The following ABCF1 variants were observed in gnomAD, a reference collection of about 807,000 sequenced individuals.
The protein encoded by ABCF1 is ATP binding cassette subfamily F member 1.
ABCF1 carries 73 observed loss-of-function variants against 126.3 expected under a neutral mutation model. The ratio of observed to expected loss-of-function variants is 0.58; its 90% CI spans 0.48 to 0.70. The LOEUF is 0.70. Among genes scored for constraint, ABCF1 ranks in the 30% least tolerant of loss-of-function variants. The pLI is 0.00. For synonymous variants in ABCF1, 345 were observed against 396.4 expected (o/e 0.87, Z 1.54); for missense variants, 786 against 1,057.5 (o/e 0.74, Z 3.56).
chr6:30,571,568 T>C lies in ABCF1; in HGVS notation c.73+8T>C. The C allele has an allele frequency of 1.2e-6, 2 of 1,608,420 alleles. No individual in the cohort carries two copies. The highest frequency in any genetic ancestry group is 1.7e-6 in the Non-Finnish European group (2 of 1,178,830). ...AGAGCACGAGCCCATCAGGTGAGGC[T>C]GGTAGGCAAGGAAGAAACGAGCAGA... On this transcript the variant is annotated splice_region_variant and intron_variant, in intron 1 of 24. Coordinates refer to ENST00000326195, the MANE Select transcript of ABCF1 (RefSeq NM_001025091.2).
At chr6:30,575,831 A>T (rs998164031) in intron 1 of ABCF1, among the ~76,000 whole-genome samples, 37 of 152,110 alleles carry the variant, frequency 2.4e-4, no homozygotes, top group African/African-American at 7.7e-4. Context: ...ACAGTTTGGG[A>T]AGCTGAGGCA....
At chr6:30,587,410 C>T (rs776464250) in intron 20 of ABCF1, among the ~76,000 whole-genome samples, 2 of 152,004 alleles carry the variant, frequency 1.3e-5, no homozygotes, top group African/African-American at 2.4e-5. Flanking sequence ...TTTGGGAAGC[C>T]GAGGTGGGAG....
chr6:30,581,042 A>T (rs1801790650), intron 8 of ABCF1, among the ~76,000 whole-genome samples: 1 of 151,580 alleles, frequency 6.6e-6, no homozygotes, highest in African/African-American at 2.4e-5. Context: ...TACAATCTCT[A>T]TCACATATTC....
At chr6:30,581,434 C>T (rs933887529) in intron 8 of ABCF1, among the ~76,000 whole-genome samples, 4 of 122,252 alleles carry the variant, frequency 3.3e-5, no homozygotes, top group Non-Finnish European at 6.4e-5. Flanking sequence ...GATGGAGTCT[C>T]ACTCCGTTGC....
In ABCF1 at chr6:30,586,307, T is replaced by G; in HGVS notation, c.1885+2T>G. 1.2e-6 allele frequency: 2 copies of G among 1,604,884 alleles called. No individual in the cohort carries two copies. Among genetic ancestry groups the G allele is most frequent in the Non-Finnish European group, 1.7e-6 (2 of 1,175,262 alleles). On this transcript the variant is annotated splice_donor_variant, in intron 18 of 24. Coordinates refer to ENST00000326195, the MANE Select transcript of ABCF1 (RefSeq NM_001025091.2). LOFTEE classifies it high-confidence loss of function. This position sits in a 1 kb window ranked among gnomAD's most constrained non-coding sequence, Gnocchi z 4.9. Reference sequence around the variant, plus strand: ...GCCCTCCAGTGCTGGGTCTGCATGGTGAGTGCCGCGGGCCTCTGCTGCTCC... The same window carrying G: ...GCCCTCCAGTGCTGGGTCTGCATGGGGAGTGCCGCGGGCCTCTGCTGCTCC...
At chr6:30,573,017 A>G (rs1801331220) in intron 1 of ABCF1, among the ~76,000 whole-genome samples, 1 of 152,184 alleles carries the variant, frequency 6.6e-6, no homozygotes, top group Admixed American at 6.5e-5. Context: ...ATTAAGAAGG[A>G]AGGCCCATTG....
rs765951688 is a variant in ABCF1 at position 30,579,996 on chromosome 6, G to T, written c.555G>T (p.Gly185=). 2.7e-5 allele frequency: 43 copies of T among 1,612,526 alleles called. 1 individual carries two copies. The Admixed American group carries it at 7.2e-4, about 27-fold the overall frequency. Residue 185 remains glycine (G), a synonymous_variant, in exon 7 of 25, where the codon GGG becomes GGT. Coordinates refer to ENST00000326195, the MANE Select transcript of ABCF1 (RefSeq NM_001025091.2). ...AGGGAAAGGAAGAGAAGTCAAAAGG[G>T]AAGGCTAAGGTGAGAGAGTAACTAG... The part of the protein sequence containing the change: ...GKKGKEEKSK[G]KAKPQNKFAA...
intron 1 of ABCF1, among the ~76,000 whole-genome samples, chr6:30,572,906 C>T (rs1371176599): frequency 6.6e-6 from 1 of 152,194 alleles, no homozygotes; most frequent in East Asian, 1.9e-4. Flanking sequence ...TGACTGGTCC[C>T]ACTAGAGCCT....
intron 6 of ABCF1, among the ~76,000 whole-genome samples, chr6:30,579,537 A>C (rs185258282): frequency 6.9e-6 from 1 of 144,180 alleles, no homozygotes; most frequent in Non-Finnish European, 1.5e-5. Context: ...GGCTCACTGC[A>C]ACCTCCGCCT....
Position 30,586,794 on chromosome 6 carries a change from C to G in ABCF1, c.2031+83C>G. 1.4e-6 allele frequency: 2 copies of G among 1,448,620 alleles called. No individual in the cohort carries two copies. The highest frequency in any genetic ancestry group is 1.8e-5 in the Admixed American group (1 of 54,710). The allele number at this position is 1,448,620 out of a possible 1,614,324, so 89.7% of individuals were successfully genotyped here. A position where few individuals can be genotyped will look rare whatever the true frequency, so the allele number is the denominator to read the frequency against. ...GCCAGAAGCTGGAATCAGGGAGCCT[C>G]TCGAGAATGTAGAGTTAAATACAGA... On this transcript the variant is annotated intron_variant, in intron 20 of 24. Transcript: ENST00000326195. The surrounding 1 kb of genome is among the most constrained non-coding windows in gnomAD (Gnocchi z 4.9).
Position 30,589,986 on chromosome 6 carries a change from G to C in ABCF1, c.2233+12G>C. The stretch of plus-strand genomic sequence containing the variant: ...CTGCAAACTCTCTGGTACCACTTCA[G>C]GGGCCAGGGAGGGTGCCCTTCACCT... On this transcript the variant is annotated intron_variant, in intron 22 of 24. Coordinates refer to ENST00000326195, the MANE Select transcript of ABCF1 (RefSeq NM_001025091.2). 1 of 1,612,060 alleles carries C rather than the reference G, an allele frequency of 6.2e-7. No individual in the cohort carries two copies. The highest frequency in any genetic ancestry group is 1.1e-5 in the South Asian group (1 of 91,032).
intron 9 of ABCF1, 65 bp downstream of exon 9, chr6:30,582,572 C>T (rs149990901): frequency 5.2e-6 from 8 of 1,526,516 alleles, no homozygotes; most frequent in South Asian, 2.3e-5. Context: ...AGGGGACATG[C>T]GATTGGGGAC....
At chr6:30,589,997 G>C (rs1561804077) in intron 22 of ABCF1, 23 bp downstream of exon 22, 3 of 1,610,546 alleles carry the variant, frequency 1.9e-6, no homozygotes, top group African/African-American at 2.7e-5. Flanking sequence ...GGGCCAGGGA[G>C]GGTGCCCTTC....
At chr6:30,588,452 C>T (rs1024842104) in intron 20 of ABCF1, among the ~76,000 whole-genome samples, 1 of 152,040 alleles carries the variant, frequency 6.6e-6, no homozygotes, top group Admixed American at 6.6e-5. Context: ...ACCTCCGTCT[C>T]CTGGGTTCAC....
rs1180152165 is a variant in ABCF1, at chr6:30,578,084, A to G, written c.225A>G (p.Lys75=). Residue 75 remains lysine, a synonymous_variant, in exon 4 of 25, where the codon AAA becomes AAG. Coordinates refer to ENST00000326195, the MANE Select transcript of ABCF1 (RefSeq NM_001025091.2). The stretch of plus-strand genomic sequence containing the variant: ...TCTTTTGCTCTCAGCAGCAAAAAAA[A>G]AAGCGAGATACCCGAAAAGGCAGGC... ...QQQQQQQQQK[K]KRDTRKGRRK... 4 of 1,614,116 alleles carry G rather than the reference A, an allele frequency of 2.5e-6. No homozygotes were observed. In the South Asian group the frequency reaches 4.4e-5, roughly 18 times the overall value.
In ABCF1 at chr6:30,582,514, C is replaced by G. The variant is rs1454813138; in HGVS notation, c.792+7C>G. The G allele has an allele frequency of 6.2e-7, 1 of 1,612,688 alleles. No homozygotes were observed. The highest frequency in any genetic ancestry group is 1.7e-5 in the Admixed American group (1 of 59,968). On this transcript the variant is annotated splice_region_variant and intron_variant, in intron 9 of 24. Coordinates refer to ENST00000326195, the MANE Select transcript of ABCF1 (RefSeq NM_001025091.2). ...GAAAAAGCTGAAAAAACAGGTAAGA[C>G]CTTGGTTCTTAGCGGTCAAAAGTAG...
In ABCF1 at chr6:30,577,694, AAGAG is replaced by A. The variant is rs960148074; in HGVS notation, c.121-118_121-115del. ...CTCCATTCTCCACAAAAAGAAAAAA[AAGAG>A]AGAGACAGGAGGTAAGGTGAGGGTG... On this transcript the variant is annotated intron_variant, in intron 2 of 24. Coordinates refer to ENST00000326195, the MANE Select transcript of ABCF1 (RefSeq NM_001025091.2). 157 of 1,052,860 alleles carry A rather than the reference AAGAG, an allele frequency of 1.5e-4. No homozygotes were observed. In the Admixed American group the frequency reaches 2.3e-3, roughly 15 times the overall value. 65.2% of individuals were successfully genotyped at this position (1,052,860 alleles called of 1,614,324 possible). A position where few individuals can be genotyped will look rare whatever the true frequency, so the allele number is the denominator to read the frequency against.
intron 1 of ABCF1, among the ~76,000 whole-genome samples, chr6:30,575,143 C>T (rs531434946): frequency 6.8e-6 from 1 of 147,916 alleles, no homozygotes; most frequent in South Asian, 2.1e-4. Context: ...GATCTTGGCT[C>T]ACTGCAACCT....
intron 20 of ABCF1, among the ~76,000 whole-genome samples, chr6:30,587,867 TA>T (rs1802232874): frequency 6.8e-6 from 1 of 146,134 alleles, no homozygotes; most frequent in African/African-American, 2.5e-5. Flanking sequence ...AAAAAATGCT[TA>T]AGTCAAGAGA....
Sources: gnomAD v4.1 joint callset for allele counts (sites outside exome capture counted in the v4.1 genomes callset) on GRCh38, gnomAD v4.1.1 for gene constraint, Gnocchi (gnomAD v3.1) non-coding constraint, MANE v1.5 for transcripts, NCBI Gene and HGNC (gene_info 2026-07-23, HGNC 2026-07-21) for gene names.